The following UGGT2 variants were observed in gnomAD, a reference collection of about 807,000 sequenced individuals.
UGGT2 encodes the protein UDP-glucose:glycoprotein glucosyltransferase 2.
In UGGT2, 180 loss-of-function variants were observed where a neutral mutation model predicts 192.1. That is an observed-to-expected ratio of 0.94 (90% CI 0.83 to 1.06). The LOEUF is 1.06. Ranked by LOEUF, UGGT2 falls within the 50% of genes least tolerant of loss-of-function variation. The probability of loss-of-function intolerance (pLI) is 0.00; values close to 1 mark genes in which losing one functional copy is unlikely to be tolerated. For missense variants in UGGT2, 1,849 were observed against 1,795.7 expected, an observed-to-expected ratio of 1.03 and a Z score of -0.54; for synonymous variants, 580 against 591.0, an observed-to-expected ratio of 0.98 and a Z score of 0.27.
chr13:95,877,396 T>G, intron 28 of UGGT2, 32 bp from the exon 29 acceptor site: 1 of 1,534,832 alleles, frequency 6.5e-7, no homozygotes, highest in Non-Finnish European at 8.9e-7. Context: ...AATCATTGAG[T>G]AATATGACTA....
intron 5 of UGGT2, among the ~76,000 whole-genome samples, chr13:96,009,224 A>C (rs1353943759): frequency 1.3e-5 from 2 of 152,204 alleles, no homozygotes; most frequent in Non-Finnish European, 2.9e-5. Context: ...GTGAAGCCTA[A>C]AATTATAAAA....
chr13:95,904,221 G>C (rs9590341), intron 20 of UGGT2, among the ~76,000 whole-genome samples: 8,171 of 152,026 alleles, frequency 0.054, 347 homozygotes, highest in East Asian at 0.14. Flanking sequence ...TATTATACCT[G>C]ATGGCTACTG....
chr13:95,876,457 T>C (rs1435451136), intron 29 of UGGT2, among the ~76,000 whole-genome samples: 1 of 152,140 alleles, frequency 6.6e-6, no homozygotes, highest in East Asian at 1.9e-4. Flanking sequence ...CAGGCAGATT[T>C]GGAGCTTGGG....
intron 9 of UGGT2, among the ~76,000 whole-genome samples, chr13:95,984,198 T>C (rs1335438477): frequency 1.3e-5 from 2 of 152,218 alleles, no homozygotes. Context: ...AAATTACCAA[T>C]GTATAAGTAC....
chr13:95,912,979 A>C lies in UGGT2; in HGVS notation c.2296-9919T>G, dbSNP rs541073786. Among the ~76,000 whole-genome samples, 16 of 152,246 alleles carry C rather than the reference A, an allele frequency of 1.1e-4. No individual in the cohort carries two copies. The South Asian group carries it at 1.2e-3, about 12-fold the overall frequency. On this transcript the variant is annotated intron_variant, in intron 20 of 38. Transcript: ENST00000376747. ...CTTTGACAAATCTGACAAAAACAAG[A>C]AATGGGGAAAGGATTCCCTATTTAA...
intron 2 of UGGT2, among the ~76,000 whole-genome samples, chr13:96,026,827 G>A (rs945016700): frequency 4.0e-5 from 6 of 151,658 alleles, no homozygotes; most frequent in South Asian, 2.1e-4. Flanking sequence ...GCCCTCCACC[G>A]CGCCCGGCTA....
chr13:96,022,956 A>C, intron 4 of UGGT2, 84 bp downstream of exon 4: 3 of 915,528 alleles, frequency 3.3e-6, no homozygotes, highest in Non-Finnish European at 4.5e-6. Flanking sequence ...TAGAATATTA[A>C]ATTTTTTTTA....
chr13:95,866,288 A>T (rs1369882340), intron 30 of UGGT2, among the ~76,000 whole-genome samples: 2 of 152,168 alleles, frequency 1.3e-5, no homozygotes, highest in African/African-American at 2.4e-5. Context: ...TAATTTCTTT[A>T]AAAAAAGTAC....
intron 1 of UGGT2, among the ~76,000 whole-genome samples, chr13:96,048,372 A>G (rs1010795218): frequency 6.6e-6 from 1 of 152,222 alleles, no homozygotes; most frequent in Non-Finnish European, 1.5e-5. Flanking sequence ...AATGTCCACA[A>G]GAGAAAGCAG....
At chr13:95,938,846 T>C (rs905399968) in intron 16 of UGGT2, among the ~76,000 whole-genome samples, 3 of 152,130 alleles carry the variant, frequency 2.0e-5, no homozygotes, top group African/African-American at 7.2e-5. Context: ...CCATTTTCTC[T>C]GCCTCCACTT....
chr13:95,957,168 A>G (rs1467916827), intron 12 of UGGT2, among the ~76,000 whole-genome samples: 1 of 152,230 alleles, frequency 6.6e-6, no homozygotes, highest in African/African-American at 2.4e-5. Context: ...AGTCTTCAGG[A>G]AGAAGGGTAT....
chr13:95,866,766 G>A (rs762021546), intron 30 of UGGT2, among the ~76,000 whole-genome samples: 28 of 152,132 alleles, frequency 1.8e-4, no homozygotes, highest in Non-Finnish European at 2.9e-4. Context: ...CAGGACAATA[G>A]TAGCTTCCTT....
intron 12 of UGGT2, among the ~76,000 whole-genome samples, chr13:95,952,055 C>CA (rs34833403): frequency 3.8e-4 from 54 of 143,642 alleles, no homozygotes; most frequent in African/African-American, 7.2e-4. Flanking sequence ...GAGACTGTCT[C>CA]AAAAAAAAAA....
At chr13:95,807,203 T>C (rs1006265249) in intron 38 of UGGT2, among the ~76,000 whole-genome samples, 7 of 152,186 alleles carry the variant, frequency 4.6e-5, no homozygotes, top group Admixed American at 2.0e-4. Flanking sequence ...AGAGAAAATA[T>C]ACCTTACTAT....
chr13:95,882,783 A>G (rs1209250841), intron 27 of UGGT2, among the ~76,000 whole-genome samples: 1 of 152,158 alleles, frequency 6.6e-6, no homozygotes, highest in African/African-American at 2.4e-5. Context: ...AGCTGCTGAA[A>G]TTTTCACCAG....
chr13:95,820,995 T>C (rs184065028), intron 38 of UGGT2, among the ~76,000 whole-genome samples: 1 of 152,292 alleles, frequency 6.6e-6, no homozygotes, highest in Admixed American at 6.5e-5. Flanking sequence ...TATCTACTCA[T>C]TGGTTAAGGC....
intron 26 of UGGT2, chr13:95,887,165 C>T: frequency 2.8e-6 from 1 of 353,890 alleles, no homozygotes. Context: ...TGCTACCTGT[C>T]TTGTGTGTGT....
chr13:95,933,908 T>C (rs919286374), intron 17 of UGGT2, among the ~76,000 whole-genome samples: 50 of 152,188 alleles, frequency 3.3e-4, no homozygotes, highest in African/African-American at 1.2e-3. Flanking sequence ...ATGGTCTCGA[T>C]CTCCTGACCT....
intron 20 of UGGT2, among the ~76,000 whole-genome samples, chr13:95,919,323 T>A (rs1343487291): frequency 6.6e-6 from 1 of 152,132 alleles, no homozygotes; most frequent in African/African-American, 2.4e-5. Context: ...AAGGATGCCC[T>A]CTCTCACCAC....
Sources: allele counts gnomAD v4.1 joint callset (sites outside exome capture counted in the v4.1 genomes callset), GRCh38; gene constraint gnomAD v4.1.1; transcripts MANE v1.5; gene names NCBI Gene and HGNC (gene_info 2026-07-23, HGNC 2026-07-21).